The following SYN3 variants were observed in gnomAD, a reference collection of about 807,000 sequenced individuals.
The protein encoded by SYN3 is synapsin III.
A neutral mutation model predicts 65.8 loss-of-function variants in SYN3; 35 were observed. The ratio of observed to expected loss-of-function variants is 0.53; its 90% confidence interval spans 0.41 to 0.70. The LOEUF is 0.70. Among genes scored for constraint, SYN3 ranks in the 30% least tolerant of loss-of-function variants. SYN3 has a pLI of 0.00. For synonymous variants in SYN3, 270 were observed against 292.9 expected, an observed-to-expected ratio of 0.92 and a Z score of 0.80; for missense variants, 680 against 749.0, an observed-to-expected ratio of 0.91 and a Z score of 1.08.
In SYN3 at chr22:32,961,503, C is replaced by G. The variant is rs55793030; in HGVS notation, c.369+19142G>C. 7.0e-3 allele frequency among the ~76,000 whole-genome samples: 1,065 copies of G among 152,214 alleles called. 8 individuals carry two copies. Among genetic ancestry groups the G allele is most frequent in the South Asian group, 0.035 (170 of 4,814 alleles). ...TGTTGTCAGTGGGTTTTGGTTTCACCCCCATCATATATTTACCAACTGAGC... is the reference window on the plus strand; with the variant it reads ...TGTTGTCAGTGGGTTTTGGTTTCACGCCCATCATATATTTACCAACTGAGC... On this transcript the variant is annotated intron_variant, in intron 3 of 13. Transcript: ENST00000358763.
At chr22:33,029,181 T>A (rs1165638856) in intron 1 of SYN3, among the ~76,000 whole-genome samples, 1 of 151,862 alleles carries the variant, frequency 6.6e-6, no homozygotes, top group Admixed American at 6.6e-5. Flanking sequence ...GACTTTTTTT[T>A]TTTTTTTTTA....
chr22:32,978,598 C>T (rs144446811), intron 3 of SYN3, among the ~76,000 whole-genome samples: 2,211 of 152,282 alleles, frequency 0.015, 25 homozygotes, highest in Non-Finnish European at 0.022. Context: ...ACCACTCCCT[C>T]CTCGAGGCCA....
At chr22:32,595,891 A>G (rs1396203580) in intron 7 of SYN3, among the ~76,000 whole-genome samples, 2 of 152,200 alleles carry the variant, frequency 1.3e-5, no homozygotes, top group African/African-American at 4.8e-5. Context: ...AGCCTGGCCA[A>G]CATGGTGAAA....
At chr22:32,878,842 G>C (rs1015592066) in intron 4 of SYN3, among the ~76,000 whole-genome samples, 1 of 152,168 alleles carries the variant, frequency 6.6e-6, no homozygotes, top group African/African-American at 2.4e-5. Context: ...GAGAAACCAG[G>C]AGTGAGGAAT....
chr22:32,609,867 C>A (rs766904256), intron 6 of SYN3, among the ~76,000 whole-genome samples: 17 of 152,138 alleles, frequency 1.1e-4, no homozygotes, highest in Non-Finnish European at 2.4e-4. Context: ...ACTATAGCTG[C>A]AGAGATGGTG....
At chr22:32,519,014 C>A (rs955198543) in intron 12 of SYN3, among the ~76,000 whole-genome samples, 1 of 152,036 alleles carries the variant, frequency 6.6e-6, no homozygotes, top group Non-Finnish European at 1.5e-5. Flanking sequence ...AAAGGACACA[C>A]GAGGATACAC....
In SYN3 at chr22:32,607,572, C is replaced by T. The variant is rs1390670613; in HGVS notation, c.712-10836G>A. ...GAGCTCTCTGGCCTTCTAATCCCACCTCTGAACTCCCTGCATCACCTCCTT... is the reference window on the plus strand; with the variant it reads ...GAGCTCTCTGGCCTTCTAATCCCACTTCTGAACTCCCTGCATCACCTCCTT... On this transcript the variant is annotated intron_variant, in intron 6 of 13. Transcript: ENST00000358763. Among the ~76,000 whole-genome samples the T allele has an allele frequency of 3.9e-5, 6 of 152,164 alleles. No homozygotes were observed. In the East Asian group the frequency reaches 1.2e-3, roughly 29 times the overall value.
chr22:32,823,127 G>C (rs955227951), intron 6 of SYN3, among the ~76,000 whole-genome samples: 1 of 152,178 alleles, frequency 6.6e-6, no homozygotes, highest in African/African-American at 2.4e-5. Flanking sequence ...AAGAACAATG[G>C]TGGGAAAGCA....
In SYN3 at chr22:32,508,099, A is replaced by G. The variant is rs1474334600; in HGVS notation, c.*5593T>C. On this transcript the variant is annotated 3_prime_UTR_variant, in exon 14 of 14. Transcript: ENST00000358763. ...CAGGCCTCTGAGCCCAAGCCAAGCCATCGCATCCCCTGTGACTTGCGCGTA... is the reference window on the plus strand; with the variant it reads ...CAGGCCTCTGAGCCCAAGCCAAGCCGTCGCATCCCCTGTGACTTGCGCGTA... Among the ~76,000 whole-genome samples, 2 of 152,208 alleles carry G rather than the reference A, an allele frequency of 1.3e-5. No homozygotes were observed. Among genetic ancestry groups the G allele is most frequent in the African/African-American group, 4.8e-5 (2 of 41,442 alleles).
intron 6 of SYN3, among the ~76,000 whole-genome samples, chr22:32,695,728 T>G (rs990470943): frequency 1.3e-5 from 2 of 152,208 alleles, no homozygotes; most frequent in African/African-American, 2.4e-5. Flanking sequence ...CTACTGGCTA[T>G]CCACATAGTG....
chr22:32,692,935 A>G (rs943304138), intron 6 of SYN3, among the ~76,000 whole-genome samples: 1 of 152,184 alleles, frequency 6.6e-6, no homozygotes, highest in Non-Finnish European at 1.5e-5. Context: ...AATTAGCAAT[A>G]TATTTGGAGG....
At chr22:32,555,634 C>T (rs2058483692) in intron 7 of SYN3, among the ~76,000 whole-genome samples, 1 of 152,144 alleles carries the variant, frequency 6.6e-6, no homozygotes. Context: ...AAAATAATCA[C>T]CATAGGTTCA....
In SYN3 at chr22:32,529,069, C is replaced by T. The variant is rs974482385; in HGVS notation, c.1096-61G>A. The T allele has an allele frequency of 4.4e-6, 7 of 1,607,826 alleles. No individual in the cohort carries two copies. The South Asian group carries it at 7.7e-5, about 18-fold the overall frequency. ...GCCAGGAGAGATGGCGGTTGGGCAT[C>T]ACATCCCAGAAGTGGGGGCTCAGGG... is the stretch of plus-strand genomic sequence containing the variant. On this transcript the variant is annotated intron_variant, in intron 10 of 13. Coordinates refer to ENST00000358763, the MANE Select transcript of SYN3 (RefSeq NM_003490.4).
At chr22:33,017,054 G>A (rs2053478707) in intron 1 of SYN3, among the ~76,000 whole-genome samples, 1 of 152,088 alleles carries the variant, frequency 6.6e-6, no homozygotes, top group African/African-American at 2.4e-5. Context: ...TTATATTTAA[G>A]TCTTTAATCT....
chr22:32,930,347 G>T (rs1389825333), intron 4 of SYN3, among the ~76,000 whole-genome samples: 1 of 152,136 alleles, frequency 6.6e-6, no homozygotes, highest in South Asian at 2.1e-4. Context: ...TCTCTTGTCT[G>T]CCATCAGGTA....
Position 32,929,401 on chromosome 22 carries a change from G to T in SYN3, c.461+1989C>A, listed in dbSNP as rs142697444. On this transcript the variant is annotated intron_variant, in intron 4 of 13. Coordinates refer to ENST00000358763, the MANE Select transcript of SYN3 (RefSeq NM_003490.4). ...TGTATAGTTTTTAAAAATAACCTGT[G>T]TGATAATTCTAATGTCTTCTGTCTT... Among the ~76,000 whole-genome samples the T allele has an allele frequency of 5.3e-5, 8 of 152,148 alleles. No individual in the cohort carries two copies. In the East Asian group the frequency reaches 1.5e-3, roughly 29 times the overall value.
At chr22:32,859,326 C>T in intron 6 of SYN3, 1 of 1,613,848 alleles carries the variant, frequency 6.2e-7, no homozygotes, top group Non-Finnish European at 8.5e-7. Context: ...GCAGCTGGTA[C>T]CGAGGATGGG....
intron 2 of SYN3, among the ~76,000 whole-genome samples, chr22:32,982,013 T>A (rs78090944): frequency 0.015 from 2,360 of 152,296 alleles, 53 homozygotes; most frequent in African/African-American, 0.052. Flanking sequence ...ATTTAAAGAC[T>A]TTAGAAAATA....
At chr22:32,641,875 A>G (rs1182355397) in intron 6 of SYN3, among the ~76,000 whole-genome samples, 1 of 151,964 alleles carries the variant, frequency 6.6e-6, no homozygotes, top group Non-Finnish European at 1.5e-5. Flanking sequence ...AAATTGGGGG[A>G]CCTCATTGTT....
Sources: allele counts gnomAD v4.1 joint callset (sites outside exome capture counted in the v4.1 genomes callset), GRCh38; gene constraint gnomAD v4.1.1; transcripts MANE v1.5; gene names NCBI Gene and HGNC (gene_info 2026-07-23, HGNC 2026-07-21).